The following CCDC3 variants were observed in gnomAD, a reference collection of about 807,000 sequenced individuals.
The protein encoded by CCDC3 is coiled-coil domain containing 3.
A neutral mutation model predicts 21.4 loss-of-function variants in CCDC3; 24 were observed. The observed-to-expected ratio is 1.12, with a 90% CI of 0.81 to 1.58. The LOEUF is 1.58. Ranked by LOEUF, CCDC3 falls within the 40% of genes most tolerant of loss-of-function variation. CCDC3 has a pLI of 0.00. For synonymous variants in CCDC3, 186 were observed against 166.0 expected, an observed-to-expected ratio of 1.12 and a Z score of -0.93; for missense variants, 425 against 360.9, an observed-to-expected ratio of 1.18 and a Z score of -1.44.
intron 4 of CCDC3, among the ~76,000 whole-genome samples, chr10:13,072,447 C>T (rs1836895249): frequency 6.6e-6 from 1 of 152,324 alleles, no homozygotes; most frequent in Admixed American, 6.5e-5. Flanking sequence ...AAGGTGTCCC[C>T]AGAGAATCTC....
In CCDC3 at chr10:12,990,461, T is replaced by C. The variant is rs183341737; in HGVS notation, c.549+7877A>G. On this transcript the variant is annotated intron_variant, in intron 2 of 2. Coordinates refer to ENST00000378825, the MANE Select transcript of CCDC3 (RefSeq NM_031455.4). ...TTTCTTCATGAAACACTATTTTTAC[T>C]TAAAAGAATGAAATGAAGGGCCAAA... 4.2e-4 allele frequency among the ~76,000 whole-genome samples: 64 copies of C among 152,344 alleles called. 1 individual carries two copies. Among genetic ancestry groups the C allele is most frequent in the South Asian group, 3.3e-3 (16 of 4,822 alleles).
chr10:12,960,545 C>G (rs1260817102), intron 2 of CCDC3, among the ~76,000 whole-genome samples: 1 of 152,166 alleles, frequency 6.6e-6, no homozygotes, highest in African/African-American at 2.4e-5. Flanking sequence ...GGTAAACAGA[C>G]CGAAGCCCAA....
chr10:12,928,038 T>G (rs939049056), intron 2 of CCDC3, among the ~76,000 whole-genome samples: 13 of 152,200 alleles, frequency 8.5e-5, no homozygotes, highest in Non-Finnish European at 1.5e-5. Flanking sequence ...ATCTGGGAGT[T>G]GTCAGGGAAT....
chr10:12,948,385 T>G (rs958649386), intron 2 of CCDC3, among the ~76,000 whole-genome samples: 2 of 152,066 alleles, frequency 1.3e-5, no homozygotes, highest in Non-Finnish European at 2.9e-5. Context: ...ACTCAGGATA[T>G]GGAGGAGACC....
At chr10:13,022,533 G>A (rs1003343804) in intron 5 of CCDC3, among the ~76,000 whole-genome samples, 7 of 151,966 alleles carry the variant, frequency 4.6e-5, no homozygotes, top group South Asian at 2.1e-4. Context: ...AAATAATTGC[G>A]GTTTTTGCCA....
chr10:12,989,413 C>G (rs1010024772), intron 2 of CCDC3, among the ~76,000 whole-genome samples: 1 of 152,174 alleles, frequency 6.6e-6, no homozygotes, highest in Non-Finnish European at 1.5e-5. Flanking sequence ...TCATTACTCA[C>G]TCATTCATTC....
intron 3 of CCDC3, among the ~76,000 whole-genome samples, chr10:13,094,203 G>C (rs79899532): frequency 6.6e-6 from 1 of 151,714 alleles, no homozygotes; most frequent in Non-Finnish European, 1.5e-5. Flanking sequence ...TAACCTAAGG[G>C]GTAAATACCT....
At chr10:13,048,582 C>G (rs1836563237) in intron 5 of CCDC3, among the ~76,000 whole-genome samples, 5 of 152,142 alleles carry the variant, frequency 3.3e-5, no homozygotes. Flanking sequence ...TGATGCCATT[C>G]ACTTTTAGAT....
chr10:12,971,232 C>T (rs965329563), intron 2 of CCDC3, among the ~76,000 whole-genome samples: 4 of 152,148 alleles, frequency 2.6e-5, no homozygotes, highest in African/African-American at 7.2e-5. Flanking sequence ...AAGGGGCCAT[C>T]GTGGGCAGCT....
In CCDC3 at chr10:13,057,989, T is replaced by G; in HGVS notation, c.-269-8048A>C. 8.9e-6 allele frequency: 6 copies of G among 677,110 alleles called. No individual in the cohort carries two copies. The South Asian group carries it at 9.6e-5, about 11-fold the overall frequency. 41.9% of individuals were successfully genotyped at this position (677,110 alleles called of 1,614,324 possible). On this transcript the variant is annotated intron_variant, in intron 4 of 6. Transcript: ENST00000378839. Reference sequence around the variant, plus strand: ...CTCCTCCATCATGTCTGGAGTTACATTGTTCTTTATATATTGAAAGAACTG... The same window carrying G: ...CTCCTCCATCATGTCTGGAGTTACAGTGTTCTTTATATATTGAAAGAACTG...
chr10:12,972,494 C>T (rs893903700), intron 2 of CCDC3, among the ~76,000 whole-genome samples: 1 of 152,132 alleles, frequency 6.6e-6, no homozygotes, highest in Non-Finnish European at 1.5e-5. Context: ...CACCTAGAAA[C>T]TCCAAGTCAT....
intron 2 of CCDC3, among the ~76,000 whole-genome samples, chr10:12,971,632 C>T (rs1835345386): frequency 6.6e-6 from 1 of 152,168 alleles, no homozygotes; most frequent in Non-Finnish European, 1.5e-5. Flanking sequence ...TTGCTGTCTG[C>T]TGGACTGAGG....
intron 2 of CCDC3, among the ~76,000 whole-genome samples, chr10:12,964,746 A>G (rs1835236301): frequency 6.6e-6 from 1 of 152,232 alleles, no homozygotes; most frequent in Non-Finnish European, 1.5e-5. Flanking sequence ...CAGATGAACA[A>G]AGAGACAAAG....
intron 3 of CCDC3, among the ~76,000 whole-genome samples, chr10:13,092,934 A>G (rs1021281158): frequency 4.6e-5 from 7 of 152,116 alleles, no homozygotes; most frequent in African/African-American, 7.2e-5. Context: ...GGTGAGAGAA[A>G]TGTTGACTTT....
At chr10:12,948,619 G>T (rs547832481) in intron 2 of CCDC3, among the ~76,000 whole-genome samples, 1 of 151,702 alleles carries the variant, frequency 6.6e-6, no homozygotes, top group Non-Finnish European at 1.5e-5. Context: ...AATAGAGTTT[G>T]CCCTTCTTTA....
intron 5 of CCDC3, among the ~76,000 whole-genome samples, chr10:13,016,862 T>C (rs1228113428): frequency 6.6e-6 from 1 of 152,068 alleles, no homozygotes; most frequent in Non-Finnish European, 1.5e-5. Flanking sequence ...GTAAGCACTG[T>C]CTATAATACT....
intron 4 of CCDC3, among the ~76,000 whole-genome samples, chr10:13,056,314 C>T (rs1029675363): frequency 7.9e-5 from 12 of 152,118 alleles, no homozygotes; most frequent in African/African-American, 2.4e-4. Context: ...CTAGAAATGG[C>T]GCACAACCTC....
intron 4 of CCDC3, among the ~76,000 whole-genome samples, chr10:13,064,488 A>T (rs1046013349): frequency 1.3e-5 from 2 of 152,124 alleles, no homozygotes; most frequent in African/African-American, 4.8e-5. Flanking sequence ...GCCTCAGGAG[A>T]TCCTCACGAC....
At chr10:13,084,381 C>T (rs909300413) in intron 3 of CCDC3, among the ~76,000 whole-genome samples, 2 of 151,466 alleles carry the variant, frequency 1.3e-5, no homozygotes, top group Non-Finnish European at 2.9e-5. Context: ...CTCCACCTCT[C>T]GGGTTCAAGC....
Sources: allele counts gnomAD v4.1 joint callset (sites outside exome capture counted in the v4.1 genomes callset), GRCh38; gene constraint gnomAD v4.1.1; transcripts MANE v1.5; gene names NCBI Gene and HGNC (gene_info 2026-07-23, HGNC 2026-07-21).